NALF1: variants seen among roughly 807,000 people sequenced by gnomAD.
NALF1 encodes NALCN channel auxiliary factor 1.
NALF1 carries 3 observed loss-of-function variants against 48.4 expected under a neutral mutation model. That is an observed-to-expected ratio of 0.06 (90% CI 0.03 to 0.16). NALF1 has a LOEUF of 0.16. NALF1 is among the 10% of genes least tolerant of loss of function. The pLI is 1.00. For synonymous variants in NALF1, 262 were observed against 245.7 expected, an observed-to-expected ratio of 1.07 and a Z score of -0.62; for missense variants, 526 against 571.5, an observed-to-expected ratio of 0.92 and a Z score of 0.81.
At chr13:107,590,811 T>C (rs1344407288) in intron 1 of NALF1, among the ~76,000 whole-genome samples, 1 of 152,098 alleles carries the variant, frequency 6.6e-6, no homozygotes, top group South Asian at 2.1e-4. Flanking sequence ...ACCTTTCTCA[T>C]GTACAGTTTT....
At chr13:107,411,079 T>C (rs771841777) in intron 1 of NALF1, among the ~76,000 whole-genome samples, 9 of 152,130 alleles carry the variant, frequency 5.9e-5, no homozygotes, top group South Asian at 2.1e-4. Context: ...ATACGTTTCC[T>C]TTAGCAGCAA....
chr13:107,493,225 G>T lies in NALF1; in HGVS notation c.916-282470C>A, dbSNP rs7996234. Among the ~76,000 whole-genome samples, 1,452 of 152,194 alleles carry T rather than the reference G, an allele frequency of 9.5e-3. 29 individuals are homozygous for T. Among genetic ancestry groups the T allele is most frequent in the African/African-American group, 0.033 (1,378 of 41,524 alleles). ...CCGTGCTGCTGGATAAAGCAGAAATGGCAATGAATGAAATGGAAAAGGAGT... is the reference window on the plus strand; with the variant it reads ...CCGTGCTGCTGGATAAAGCAGAAATTGCAATGAATGAAATGGAAAAGGAGT... On this transcript the variant is annotated intron_variant, in intron 1 of 2. Transcript: ENST00000375915.
chr13:107,405,700 G>A (rs148922181), intron 1 of NALF1, among the ~76,000 whole-genome samples: 142 of 152,060 alleles, frequency 9.3e-4, no homozygotes, highest in African/African-American at 3.1e-3. Flanking sequence ...GATTAAAGAG[G>A]AAGGAATGAG....
At chr13:107,828,086 A>C (rs1410989482) in intron 1 of NALF1, among the ~76,000 whole-genome samples, 3 of 152,190 alleles carry the variant, frequency 2.0e-5, no homozygotes, top group Non-Finnish European at 4.4e-5. Flanking sequence ...AGTAAACCAA[A>C]GGGACTTGTG....
At chr13:107,770,146 C>G (rs1463021640) in intron 1 of NALF1, among the ~76,000 whole-genome samples, 1 of 152,168 alleles carries the variant, frequency 6.6e-6, no homozygotes, top group Non-Finnish European at 1.5e-5. Flanking sequence ...ATCTCCTGAC[C>G]TCGTGATCCA....
rs4772886 is a variant in NALF1, at chr13:107,564,505, T to C, written c.915+301177A>G. ...CCTAGTTCACCCTGGTTGTTCTTGC[T>C]CATCCCCAGTGTAATAAAGACCAAA... On this transcript the variant is annotated intron_variant, in intron 1 of 2. Coordinates refer to ENST00000375915, the MANE Select transcript of NALF1 (RefSeq NM_001080396.3). Among the ~76,000 whole-genome samples, 3,777 of 152,260 alleles carry C rather than the reference T, an allele frequency of 0.025. 400 individuals are homozygous for C. In the East Asian group the frequency reaches 0.37, roughly 15 times the overall value.
At chr13:107,456,997 C>T (rs1884834973) in intron 1 of NALF1, among the ~76,000 whole-genome samples, 1 of 152,038 alleles carries the variant, frequency 6.6e-6, no homozygotes, top group African/African-American at 2.4e-5. Context: ...TAAATGATGA[C>T]ATTCATATGG....
At chr13:107,405,208 T>C (rs139506541) in intron 1 of NALF1, among the ~76,000 whole-genome samples, 185 of 152,192 alleles carry the variant, frequency 1.2e-3, no homozygotes, top group African/African-American at 4.3e-3. Flanking sequence ...CACAGCATCT[T>C]ATAATGAAAG....
chr13:107,419,939 A>G (rs1244805844), intron 1 of NALF1, among the ~76,000 whole-genome samples: 1 of 144,870 alleles, frequency 6.9e-6, no homozygotes, highest in Non-Finnish European at 1.6e-5. Flanking sequence ...TATATGTTAC[A>G]TGTCTGATTC....
At chr13:107,510,974 A>G (rs1442580865) in intron 1 of NALF1, among the ~76,000 whole-genome samples, 1 of 152,132 alleles carries the variant, frequency 6.6e-6, no homozygotes, top group African/African-American at 2.4e-5. Flanking sequence ...CTGCTTCCTG[A>G]CAGCATCTAG....
chr13:107,298,351 C>CAAAAAAAAAAAAAAA (rs1192707023), intron 1 of NALF1, among the ~76,000 whole-genome samples: 8 of 16,626 alleles, frequency 4.8e-4, no homozygotes, highest in Admixed American at 1.5e-3. Flanking sequence ...GACTCCATCT[C>CAAAAAAAAAAAAAAA]AAAAAAAAAA....
At chr13:107,375,171 TA>T (rs375929797) in intron 1 of NALF1, among the ~76,000 whole-genome samples, 2,929 of 152,274 alleles carry the variant, frequency 0.019, 50 homozygotes, top group South Asian at 0.041. Flanking sequence ...TAAAAATAAG[TA>T]AAAGCAAATA....
At chr13:107,847,275 C>T (rs1880196838) in intron 1 of NALF1, among the ~76,000 whole-genome samples, 1 of 152,058 alleles carries the variant, frequency 6.6e-6, no homozygotes, top group South Asian at 2.1e-4. Flanking sequence ...CAAAATCAAA[C>T]AAAAATAAAC....
At chr13:107,511,216 G>A (rs186685592) in intron 1 of NALF1, among the ~76,000 whole-genome samples, 18 of 152,344 alleles carry the variant, frequency 1.2e-4, no homozygotes, top group Admixed American at 1.3e-4. Context: ...TTAGTGAGCA[G>A]AAGCAAGTCT....
intron 1 of NALF1, among the ~76,000 whole-genome samples, chr13:107,756,435 C>CTCTATATA (rs1555323652): frequency 1.4e-5 from 2 of 141,056 alleles, no homozygotes; most frequent in African/African-American, 5.4e-5. Flanking sequence ...AGTTTAATGG[C>CTCTATATA]TATATATATA....
chr13:107,854,657 G>C (rs2138645037), intron 1 of NALF1, among the ~76,000 whole-genome samples: 1 of 152,114 alleles, frequency 6.6e-6, no homozygotes, highest in Middle Eastern at 3.4e-3. Context: ...CAGATCACGA[G>C]GTCCAGAGAT....
intron 1 of NALF1, among the ~76,000 whole-genome samples, chr13:107,825,495 A>C (rs1879488608): frequency 6.6e-6 from 1 of 152,212 alleles, no homozygotes; most frequent in Non-Finnish European, 1.5e-5. Context: ...CTCAATCCAT[A>C]ATTAGGCCTC....
At chr13:107,465,379 A>G (rs1049985194) in intron 1 of NALF1, among the ~76,000 whole-genome samples, 2 of 151,676 alleles carry the variant, frequency 1.3e-5, no homozygotes, top group African/African-American at 2.4e-5. Context: ...ATAAATCTTA[A>G]AGTTTATACA....
intron 1 of NALF1, among the ~76,000 whole-genome samples, chr13:107,387,435 C>T (rs370152999): frequency 7.2e-5 from 11 of 152,214 alleles, no homozygotes; most frequent in South Asian, 4.1e-4. Context: ...ATGCATTTAA[C>T]GAGTTACTGT....
Sources: allele counts gnomAD v4.1 joint callset (sites outside exome capture counted in the v4.1 genomes callset), GRCh38; gene constraint gnomAD v4.1.1; transcripts MANE v1.5; gene names NCBI Gene and HGNC (gene_info 2026-07-23, HGNC 2026-07-21).